Variants in NMBR observed in about 807,000 individuals in gnomAD.
The protein encoded by NMBR is neuromedin B receptor.
In NMBR, 16 loss-of-function variants were observed where a neutral mutation model predicts 20.5. The ratio of observed to expected loss-of-function variants is 0.78; its 90% CI spans 0.53 to 1.19. The LOEUF is 1.19. Ranked by LOEUF, NMBR falls within the 50% of genes most tolerant of loss-of-function variation. The pLI is 0.00. For synonymous variants in NMBR, 212 were observed against 196.6 expected (o/e 1.08, Z -0.65); for missense variants, 582 against 499.1 (o/e 1.17, Z -1.58).
intron 1 of NMBR, among the ~76,000 whole-genome samples, chr6:142,104,397 T>C (rs1344051462): frequency 1.3e-5 from 2 of 152,214 alleles, no homozygotes; most frequent in African/African-American, 4.8e-5. Context: ...TTCCACGTAA[T>C]TTAACATGTC....
At chr6:142,127,312 A>AT (rs1467248069) in intron 1 of NMBR, among the ~76,000 whole-genome samples, 1 of 151,756 alleles carries the variant, frequency 6.6e-6, no homozygotes, top group African/African-American at 2.4e-5. Flanking sequence ...TGGTGGACTT[A>AT]TTTTGGGGAT....
chr6:142,110,354 A>G (rs1777740487), intron 1 of NMBR, among the ~76,000 whole-genome samples: 1 of 152,216 alleles, frequency 6.6e-6, no homozygotes, highest in Admixed American at 6.5e-5. Context: ...ATTAAATAAA[A>G]CATGTTAAAT....
intron 1 of NMBR, among the ~76,000 whole-genome samples, chr6:142,095,037 T>C (rs1386126973): frequency 6.6e-6 from 1 of 152,190 alleles, no homozygotes; most frequent in Non-Finnish European, 1.5e-5. Context: ...GCCTATCCGC[T>C]TAAGGAGATT....
chr6:142,139,555 C>T (rs532309625), intron 1 of NMBR, among the ~76,000 whole-genome samples: 1 of 152,328 alleles, frequency 6.6e-6, no homozygotes, highest in South Asian at 2.1e-4. Flanking sequence ...AGCCAACTTC[C>T]TCGGCCTCCC....
chr6:142,142,224 G>A (rs1402009188), intron 1 of NMBR, among the ~76,000 whole-genome samples: 1 of 152,158 alleles, frequency 6.6e-6, no homozygotes, highest in African/African-American at 2.4e-5. Context: ...AGAAATGCCA[G>A]GCCCTGATGA....
intron 1 of NMBR, among the ~76,000 whole-genome samples, chr6:142,103,577 T>A (rs530149354): frequency 6.6e-6 from 1 of 152,282 alleles, no homozygotes; most frequent in East Asian, 1.9e-4. Flanking sequence ...CTTTAAGGAC[T>A]CAGGATGAGG....
intron 1 of NMBR, among the ~76,000 whole-genome samples, chr6:142,127,864 T>C (rs1488372287): frequency 2.6e-5 from 4 of 152,122 alleles, no homozygotes; most frequent in Non-Finnish European, 5.9e-5. Context: ...CTGAATTCAT[T>C]TGTTAGTTCT....
intron 1 of NMBR, among the ~76,000 whole-genome samples, chr6:142,125,331 A>C (rs907824483): frequency 1.3e-5 from 2 of 151,804 alleles, no homozygotes; most frequent in African/African-American, 4.8e-5. Context: ...CAGATGTAAA[A>C]TAAGCCAAGA....
intron 1 of NMBR, among the ~76,000 whole-genome samples, chr6:142,093,307 C>T (rs575095758): frequency 2.8e-5 from 3 of 106,354 alleles, no homozygotes; most frequent in Non-Finnish European, 3.7e-5. Flanking sequence ...CCCCCCTCCC[C>T]CCACCCCACA....
intron 2 of NMBR, among the ~76,000 whole-genome samples, chr6:142,083,928 G>A (rs963282453): frequency 6.6e-5 from 10 of 152,192 alleles, no homozygotes; most frequent in Non-Finnish European, 8.8e-5. Context: ...TAGCATTATA[G>A]GGTAAGTGTG....
chr6:142,094,685 G>A (rs1777408727), intron 1 of NMBR, among the ~76,000 whole-genome samples: 1 of 152,046 alleles, frequency 6.6e-6, no homozygotes, highest in Non-Finnish European at 1.5e-5. Flanking sequence ...CCAATTCTTT[G>A]AAGAAAGTCA....
At chr6:142,143,804 A>G (rs1266092994) in intron 1 of NMBR, among the ~76,000 whole-genome samples, 2 of 151,234 alleles carry the variant, frequency 1.3e-5, no homozygotes, top group South Asian at 2.1e-4. Context: ...AAAAACAGAC[A>G]GAGGACTTAC....
Position 142,075,506 on chromosome 6 carries a change from T to C in NMBR, c.*142A>G. ...AAAAGAGAAAAAATAAAGTCTAGTGTAGAGAAAAAATGTCTTGCATTTTCT... is the reference window on the plus strand; with the variant it reads ...AAAAGAGAAAAAATAAAGTCTAGTGCAGAGAAAAAATGTCTTGCATTTTCT... On this transcript the variant is annotated 3_prime_UTR_variant, in exon 4 of 4. Coordinates refer to ENST00000258042, the MANE Select transcript of NMBR (RefSeq NM_002511.4). 1.4e-6 allele frequency: 1 copy of C among 706,620 alleles called. No homozygotes were observed. Among genetic ancestry groups the C allele is most frequent in the Non-Finnish European group, 2.3e-6 (1 of 432,422 alleles). 43.8% of individuals were successfully genotyped at this position (706,620 alleles called of 1,614,324 possible).
At chr6:142,142,875 A>G (rs1176352876) in intron 1 of NMBR, among the ~76,000 whole-genome samples, 1 of 152,086 alleles carries the variant, frequency 6.6e-6, no homozygotes, top group Non-Finnish European at 1.5e-5. Context: ...GCTTGAGTCT[A>G]GGAGTTTGAG....
At chr6:142,082,755 T>G (rs1338143052) in intron 2 of NMBR, among the ~76,000 whole-genome samples, 1 of 152,204 alleles carries the variant, frequency 6.6e-6, no homozygotes, top group Non-Finnish European at 1.5e-5. Context: ...AATTCAGCAT[T>G]TGAAGAATCA....
chr6:142,119,223 A>G (rs1448798557), intron 1 of NMBR, among the ~76,000 whole-genome samples: 1 of 152,008 alleles, frequency 6.6e-6, no homozygotes, highest in African/African-American at 2.4e-5. Context: ...ATAGTTGTAC[A>G]CTGTCAGCAG....
Position 142,075,883 on chromosome 6 carries a change from C to G in NMBR, c.938G>C (p.Ser313Thr), listed in dbSNP as rs368348932. 38 of 1,613,918 alleles carry G rather than the reference C, an allele frequency of 2.4e-5. No individual in the cohort carries two copies. The African/African-American group carries it at 4.9e-4, about 21-fold the overall frequency. ...MIVTLVARVL[S>T]FGNSCVNPFA... Reference sequence around the variant, plus strand: ...TGGGTTGACACAAGAATTGCCAAAACTGAGAACCCGGGCAACTAAGGTGAC... The same window carrying G: ...TGGGTTGACACAAGAATTGCCAAAAGTGAGAACCCGGGCAACTAAGGTGAC... Residue 313 changes from serine to threonine, a missense_variant, in exon 4 of 4, where the codon AGT becomes ACT. Coordinates refer to ENST00000258042, the MANE Select transcript of NMBR (RefSeq NM_002511.4).
rs375885934 is a variant in NMBR at position 142,125,701 on chromosome 6, G to A, written c.-664+21343C>T. 2.0e-5 allele frequency among the ~76,000 whole-genome samples: 3 copies of A among 151,908 alleles called. No individual in the cohort carries two copies. In the South Asian group the frequency reaches 6.2e-4, roughly 32 times the overall value. ...AGCTCTAAAGCAATGAATGTAACTT[G>A]CTTTTTTATTTTCAGATTTATCATG... is the stretch of plus-strand genomic sequence containing the variant. On this transcript the variant is annotated intron_variant, in intron 1 of 3. Coordinates refer to ENST00000258042, the MANE Select transcript of NMBR (RefSeq NM_002511.4).
At chr6:142,144,864 A>G (rs1778405927) in intron 1 of NMBR, among the ~76,000 whole-genome samples, 1 of 152,032 alleles carries the variant, frequency 6.6e-6, no homozygotes, top group Non-Finnish European at 1.5e-5. Flanking sequence ...TGCCTAGGCA[A>G]CAAAATAATA....
Sources: gnomAD v4.1 joint callset for allele counts (sites outside exome capture counted in the v4.1 genomes callset) on GRCh38, gnomAD v4.1.1 for gene constraint, MANE v1.5 for transcripts, NCBI Gene and HGNC (gene_info 2026-07-23, HGNC 2026-07-21) for gene names.